The following OTOF variants were observed in gnomAD, a reference collection of about 807,000 sequenced individuals.
The protein encoded by OTOF is fer-1-like family member 2.
OTOF carries 218 observed loss-of-function variants against 236.8 expected under a neutral mutation model. The ratio of observed to expected loss-of-function variants is 0.92; its 90% confidence interval spans 0.82 to 1.03. OTOF has a LOEUF of 1.03. Ranked by LOEUF, OTOF falls within the 50% of genes least tolerant of loss-of-function variation. OTOF has a pLI of 0.00. For synonymous variants in OTOF, 1,041 were observed against 1,072.5 expected, an observed-to-expected ratio of 0.97 and a Z score of 0.57; for missense variants, 2,590 against 2,694.4, an observed-to-expected ratio of 0.96 and a Z score of 0.86.
At position 26,464,963 on chromosome 2, in the gene OTOF, G is replaced by A. The variant is rs761285412; in HGVS notation, c.4866C>T (p.Asp1622=). 26 of 1,559,724 alleles carry A rather than the reference G, an allele frequency of 1.7e-5. No homozygotes were observed. The highest frequency in any genetic ancestry group is 1.2e-4 in the East Asian group (5 of 43,292). The change falls in exon 39 of 47, where the codon GAC becomes GAT. Residue 1622 remains aspartate, a synonymous_variant. Transcript: ENST00000272371. ...PSQILTRLCK[D]GKVDGPHFGP... ...CAAAGTGGGGGCCGTCCACTTTGCC[G>A]TCTTTGCAGAGGCGGGTCAGGATCT...
Position 26,457,957 on chromosome 2 carries a change from C to A in OTOF, c.*281G>T, listed in dbSNP as rs749431368. 1 of 1,413,272 alleles carries A rather than the reference C, an allele frequency of 7.1e-7. No homozygotes were observed. Among genetic ancestry groups the A allele is most frequent in the Admixed American group, 1.8e-5 (1 of 55,292 alleles). The allele number at this position is 1,413,272 out of a possible 1,614,324, so 87.5% of individuals were successfully genotyped here. A position where few individuals can be genotyped will look rare whatever the true frequency, so the allele number is the denominator to read the frequency against. On this transcript the variant is annotated 3_prime_UTR_variant, in exon 47 of 47. Transcript: ENST00000272371. The surrounding 1 kb of genome is among the most constrained non-coding windows in gnomAD (Gnocchi z 4.4). ...GAGTGGACGCTGGGCTCCTCAGGCT[C>A]CCCAGGGGAGATGGGAAAGAGTCCA...
intron 30 of OTOF, 44 bp from the exon 31 acceptor site, chr2:26,471,194 G>A (rs1664959422): frequency 1.2e-6 from 2 of 1,609,134 alleles, no homozygotes; most frequent in African/African-American, 2.7e-5. Context: ...AGCCACTGGG[G>A]CCTGGAGTGG....
intron 9 of OTOF, among the ~76,000 whole-genome samples, chr2:26,493,147 C>T (rs895636983): frequency 5.9e-5 from 9 of 152,130 alleles, no homozygotes; most frequent in Non-Finnish European, 1.0e-4. Flanking sequence ...GTCCTTGGGG[C>T]TGGAGGGGTC....
intron 5 of OTOF, among the ~76,000 whole-genome samples, chr2:26,506,894 G>C (rs935887138): frequency 6.6e-6 from 1 of 152,198 alleles, no homozygotes; most frequent in East Asian, 1.9e-4. Context: ...GGGAGGCTGA[G>C]GCAGGAGAAT....
rs910084103 is a variant in OTOF, at chr2:26,484,326, C to T, written c.1205+148G>A. 8.4e-6 allele frequency: 7 copies of T among 830,816 alleles called. No individual in the cohort carries two copies. In the African/African-American group the frequency reaches 1.2e-4, roughly 14 times the overall value. 51.5% of individuals were successfully genotyped at this position (830,816 alleles called of 1,614,324 possible). On this transcript the variant is annotated intron_variant, in intron 12 of 46. Transcript: ENST00000272371. ...CCATCACCCCCTGCCCCTGCCCTGC[C>T]TCGGAAGAGTGGGGCTGCTTGGGAG...
intron 11 of OTOF, among the ~76,000 whole-genome samples, chr2:26,487,690 G>A (rs1453827203): frequency 1.3e-5 from 2 of 152,082 alleles, no homozygotes; most frequent in East Asian, 3.9e-4. Context: ...ACTTTCTCTT[G>A]GCTCTCGGCC....
chr2:26,501,677 T>C, intron 8 of OTOF, 77 bp downstream of exon 8: 1 of 993,194 alleles, frequency 1.0e-6, no homozygotes, highest in Non-Finnish European at 1.6e-6. Flanking sequence ...CTCAGTATAG[T>C]GGATAATGCA....
chr2:26,510,692 C>T (rs1409312353), intron 5 of OTOF: 2 of 1,288,348 alleles, frequency 1.6e-6, no homozygotes, highest in African/African-American at 1.5e-5. Flanking sequence ...CTGCCCTCGC[C>T]TGGGACACCT....
intron 6 of OTOF, among the ~76,000 whole-genome samples, chr2:26,503,142 G>T (rs1014352521): frequency 6.6e-6 from 1 of 152,218 alleles, no homozygotes; most frequent in Non-Finnish European, 1.5e-5. Flanking sequence ...GAGGGCAGCC[G>T]GGAGCCCCGA....
chr2:26,467,936 C>G (rs1664812893), intron 33 of OTOF, among the ~76,000 whole-genome samples: 1 of 152,180 alleles, frequency 6.6e-6, no homozygotes. Flanking sequence ...ATCCAATAAG[C>G]TGGGGAAATA....
chr2:26,500,505 C>T (rs776623068), intron 8 of OTOF, among the ~76,000 whole-genome samples: 14 of 152,088 alleles, frequency 9.2e-5, no homozygotes, highest in African/African-American at 3.1e-4. Flanking sequence ...TTGGAAAAGC[C>T]CTCGGAAGTC....
chr2:26,518,943 G>T, intron 4 of OTOF, 67 bp downstream of exon 4: 2 of 1,108,074 alleles, frequency 1.8e-6, no homozygotes, highest in African/African-American at 3.0e-5. Flanking sequence ...CATGTGTGAG[G>T]CAGGGAGAAC....
At position 26,473,591 on chromosome 2, in the gene OTOF, G is replaced by C; in HGVS notation, c.3409-24C>G. On this transcript the variant is annotated intron_variant, in intron 27 of 46. Coordinates refer to ENST00000272371, the MANE Select transcript of OTOF (RefSeq NM_194248.3). This position sits in a 1 kb window ranked among gnomAD's most constrained non-coding sequence, Gnocchi z 7.2. ...ACCTGGGAGAGGTTGGAGGGTGGGTGCAGAGAAGAGAGCCCCTTAGTCAAG... is the reference window on the plus strand; with the variant it reads ...ACCTGGGAGAGGTTGGAGGGTGGGTCCAGAGAAGAGAGCCCCTTAGTCAAG... The C allele has an allele frequency of 2.5e-6, 4 of 1,584,508 alleles. No homozygotes were observed. The highest frequency in any genetic ancestry group is 3.4e-6 in the Non-Finnish European group (4 of 1,169,664).
rs776265576 is a variant in OTOF, at chr2:26,465,025, C to T, written c.4804G>A (p.Gly1602Ser). 8.1e-6 allele frequency: 12 copies of T among 1,473,598 alleles called. No individual in the cohort carries two copies. Among genetic ancestry groups the T allele is most frequent in the South Asian group, 1.5e-5 (1 of 66,244 alleles). The allele number at this position is 1,473,598 out of a possible 1,614,324, so 91.3% of individuals were successfully genotyped here. A position where few individuals can be genotyped will look rare whatever the true frequency, so the allele number is the denominator to read the frequency against. Reference protein sequence around the residue: ...CGIAQTYSTHGYNIWRDPMKP... With the variant: ...CGIAQTYSTHSYNIWRDPMKP... ...ATGGGGTCCCGCCAGATATTGTAGC[C>T]ATGTCTGTGGGAGGGGACACACAGG... The change falls in exon 39 of 47, where the codon GGC (glycine) becomes AGC (serine). Residue 1602 changes from glycine (G) to serine (S), a missense_variant. Physicochemically the swap from Gly to Ser is moderately conservative, Grantham distance 56. Coordinates refer to ENST00000272371, the MANE Select transcript of OTOF (RefSeq NM_194248.3).
At chr2:26,496,624 C>T (rs546161025) in intron 8 of OTOF, among the ~76,000 whole-genome samples, 33 of 151,982 alleles carry the variant, frequency 2.2e-4, no homozygotes, top group African/African-American at 7.0e-4. Context: ...TAATTTTTGA[C>T]ATCACTACTA....
chr2:26,478,276 C>T (rs1204593191), intron 18 of OTOF, among the ~76,000 whole-genome samples: 1 of 152,252 alleles, frequency 6.6e-6, no homozygotes, highest in Non-Finnish European at 1.5e-5. Flanking sequence ...TTGCAGATAA[C>T]TGCAGACCCA....
Position 26,474,591 on chromosome 2 carries a change from T to A in OTOF, c.3210A>T (p.Pro1070=). The A allele has an allele frequency of 6.2e-7, 1 of 1,613,242 alleles. No individual in the cohort carries two copies. Among genetic ancestry groups the A allele is most frequent in the Non-Finnish European group, 8.5e-7 (1 of 1,179,980 alleles). The change falls in exon 26 of 47, where the codon CCA becomes CCT. Residue 1070 remains proline, a synonymous_variant. Transcript: ENST00000272371. ...ADEAYCPPRF[P]PQLEYYQIYR... ...AGATCTGGTAGTACTCGAGCTGAGGTGGGAAGCGGGGTGGGCAGTACGCCT... is the reference window on the plus strand; with the variant it reads ...AGATCTGGTAGTACTCGAGCTGAGGAGGGAAGCGGGGTGGGCAGTACGCCT...
chr2:26,537,705 G>A lies in OTOF; in HGVS notation c.138+11C>T. ...CAGGGCTGAGGGAGGGGGGAGTCTT[G>A]GGCCTCCTACCTCATCAAAGTCAGC... On this transcript the variant is annotated intron_variant, in intron 2 of 46. Transcript: ENST00000272371. 4 of 1,549,258 alleles carry A rather than the reference G, an allele frequency of 2.6e-6. No individual in the cohort carries two copies. In the East Asian group the frequency reaches 9.8e-5, roughly 38 times the overall value.
At chr2:26,493,847 A>T (rs1386929112) in intron 9 of OTOF, among the ~76,000 whole-genome samples, 1 of 152,174 alleles carries the variant, frequency 6.6e-6, no homozygotes, top group Non-Finnish European at 1.5e-5. Context: ...GAAGTGGGGG[A>T]GGGACTTGCA....
Sources: allele counts gnomAD v4.1 joint callset (sites outside exome capture counted in the v4.1 genomes callset), GRCh38; gene constraint gnomAD v4.1.1; non-coding constraint Gnocchi (gnomAD v3.1); transcripts MANE v1.5; gene names NCBI Gene and HGNC (gene_info 2026-07-23, HGNC 2026-07-21).